The following TEAD1 variants were observed in gnomAD, a reference collection of about 807,000 sequenced individuals.
The protein encoded by TEAD1 is transcriptional enhancer factor TEF-1.
Under a neutral mutation model 54.9 loss-of-function variants are expected in TEAD1, and 9 were observed. The ratio of observed to expected loss-of-function variants is 0.16; its 90% CI spans 0.10 to 0.29. TEAD1 has a LOEUF of 0.29. TEAD1 is among the 10% of genes least tolerant of loss of function. The pLI is 1.00. For synonymous variants in TEAD1, 200 were observed against 187.8 expected, an observed-to-expected ratio of 1.07 and a Z score of -0.53; for missense variants, 387 against 535.9, an observed-to-expected ratio of 0.72 and a Z score of 2.74.
chr11:12,747,799 A>G (rs1361206247), intron 2 of TEAD1, among the ~76,000 whole-genome samples: 2 of 152,228 alleles, frequency 1.3e-5, no homozygotes, highest in Non-Finnish European at 2.9e-5. Context: ...TCTTTACATC[A>G]GGTGGCTAAT....
At chr11:12,694,828 T>C (rs1943545400) in intron 2 of TEAD1, among the ~76,000 whole-genome samples, 1 of 152,180 alleles carries the variant, frequency 6.6e-6, no homozygotes, top group Admixed American at 6.5e-5. Context: ...TGTAGGTTTA[T>C]ATGGAGTCAT....
At chr11:12,704,960 CTG>C (rs1943783665) in intron 2 of TEAD1, among the ~76,000 whole-genome samples, 1 of 152,204 alleles carries the variant, frequency 6.6e-6, no homozygotes, top group Non-Finnish European at 1.5e-5. Flanking sequence ...ATGCCCAACT[CTG>C]TGCTTTGCAA....
chr11:12,816,873 A>G (rs114239862), intron 3 of TEAD1, among the ~76,000 whole-genome samples: 292 of 152,326 alleles, frequency 1.9e-3, no homozygotes, highest in African/African-American at 6.6e-3. Context: ...TAGAGAACCT[A>G]CAACTGCTGC....
chr11:12,691,399 T>C (rs77479997), intron 2 of TEAD1, among the ~76,000 whole-genome samples: 5,020 of 152,242 alleles, frequency 0.033, 259 homozygotes, highest in African/African-American at 0.11. Context: ...ATGGAGTTTC[T>C]AGGCTATGAT....
intron 3 of TEAD1, among the ~76,000 whole-genome samples, chr11:12,788,652 G>T (rs1399124869): frequency 6.6e-6 from 1 of 152,170 alleles, no homozygotes; most frequent in Non-Finnish European, 1.5e-5. Context: ...GTAAGACGTG[G>T]TCCATATTTA....
chr11:12,831,719 C>T (rs1486942624), intron 3 of TEAD1, among the ~76,000 whole-genome samples: 1 of 147,706 alleles, frequency 6.8e-6, no homozygotes, highest in Non-Finnish European at 1.5e-5. Context: ...GCAGAGGTTG[C>T]AACAAGCCGA....
intron 9 of TEAD1, among the ~76,000 whole-genome samples, chr11:12,896,866 C>T (rs1371054428): frequency 6.6e-6 from 1 of 152,172 alleles, no homozygotes; most frequent in African/African-American, 2.4e-5. Flanking sequence ...AGCACAGTGC[C>T]TGGCATGTAT....
chr11:12,877,976 G>T lies in TEAD1; in HGVS notation c.331-1732G>T, dbSNP rs575462950. On this transcript the variant is annotated intron_variant, in intron 5 of 12. Coordinates refer to ENST00000527636, the MANE Select transcript of TEAD1 (RefSeq NM_021961.6). ...CCACACCTGGCTAATTTTTTTTTTTGTGTGTGTGTGTGTGGAGACAGGGTC... is the reference window on the plus strand; with the variant it reads ...CCACACCTGGCTAATTTTTTTTTTTTTGTGTGTGTGTGTGGAGACAGGGTC... Among the ~76,000 whole-genome samples the T allele has an allele frequency of 2.0e-3, 304 of 150,782 alleles. 1 individual carries two copies. The highest frequency in any genetic ancestry group is 7.2e-3 in the African/African-American group (291 of 40,694).
intron 3 of TEAD1, among the ~76,000 whole-genome samples, chr11:12,825,690 T>C (rs1466916401): frequency 6.6e-6 from 1 of 151,988 alleles, no homozygotes; most frequent in Non-Finnish European, 1.5e-5. Context: ...TGACCTAGAA[T>C]AAACAAAACA....
chr11:12,713,949 C>T (rs1015208875), intron 2 of TEAD1, among the ~76,000 whole-genome samples: 8 of 152,244 alleles, frequency 5.3e-5, no homozygotes, highest in African/African-American at 1.9e-4. Flanking sequence ...AGACTTTTCC[C>T]TCATGCCTCA....
intron 3 of TEAD1, among the ~76,000 whole-genome samples, chr11:12,845,906 C>T (rs1392850183): frequency 6.6e-6 from 1 of 152,216 alleles, no homozygotes; most frequent in Non-Finnish European, 1.5e-5. Context: ...GGAAAGAGGC[C>T]GGCTTGCCAG....
chr11:12,708,363 G>C lies in TEAD1; in HGVS notation c.-55+32802G>C, dbSNP rs563039730. Among the ~76,000 whole-genome samples the C allele has an allele frequency of 2.0e-4, 31 of 152,110 alleles. No homozygotes were observed. The South Asian group carries it at 2.7e-3, about 13-fold the overall frequency. ...AAGAATGTAACAATGCCTGTCACTC[G>C]TGAAGAGACACAGTCGGTGAGGTGA... On this transcript the variant is annotated intron_variant, in intron 2 of 12. Coordinates refer to ENST00000527636, the MANE Select transcript of TEAD1 (RefSeq NM_021961.6).
At chr11:12,761,107 G>A (rs1034562068) in intron 2 of TEAD1, among the ~76,000 whole-genome samples, 4 of 152,156 alleles carry the variant, frequency 2.6e-5, no homozygotes, top group South Asian at 2.1e-4. Flanking sequence ...GAATAAAAAC[G>A]TGAGCATTTA....
chr11:12,934,517 T>C (rs1232347693), intron 12 of TEAD1, among the ~76,000 whole-genome samples: 2 of 151,218 alleles, frequency 1.3e-5, no homozygotes, highest in East Asian at 1.9e-4. Context: ...GTTGTGCACA[T>C]GTACCCTAAA....
intron 1 of TEAD1, among the ~76,000 whole-genome samples, chr11:12,675,099 CCCGG>C (rs1305686761): frequency 6.8e-6 from 1 of 146,644 alleles, no homozygotes; most frequent in Non-Finnish European, 1.5e-5. Flanking sequence ...ACAGGCGGCC[CCCGG>C]CCGGCCGCGC....
intron 10 of TEAD1, among the ~76,000 whole-genome samples, chr11:12,917,662 A>G (rs1240187768): frequency 2.0e-5 from 3 of 152,202 alleles, no homozygotes; most frequent in Non-Finnish European, 4.4e-5. Flanking sequence ...ATTTAGCTTT[A>G]AGGCAGTGCA....
At chr11:12,836,413 C>T (rs931082844) in intron 3 of TEAD1, among the ~76,000 whole-genome samples, 2 of 116,972 alleles carry the variant, frequency 1.7e-5, no homozygotes, top group Non-Finnish European at 3.7e-5. Context: ...GAGCGAGACT[C>T]CGTCTCAAAA....
rs1949189346 is a variant in TEAD1, at chr11:12,944,460, G to A, written c.*7238G>A. On this transcript the variant is annotated 3_prime_UTR_variant, in exon 13 of 13. Transcript: ENST00000527636. ...GAAAATTATAGGATTTGTGTGCAGA[G>A]AATTTTTTTATAAAGTGCTTTGTAA... is the stretch of plus-strand genomic sequence containing the variant. 2 of 147,680 alleles carry A rather than the reference G, an allele frequency of 1.4e-5. No individual in the cohort carries two copies. The highest frequency in any genetic ancestry group is 4.3e-4 in the South Asian group (2 of 4,650). 9.1% of individuals were successfully genotyped at this position (147,680 alleles called of 1,614,324 possible). A position where few individuals can be genotyped will look rare whatever the true frequency, so the allele number is the denominator to read the frequency against.
chr11:12,935,415 T>C (rs909140174), intron 12 of TEAD1, among the ~76,000 whole-genome samples: 1 of 152,220 alleles, frequency 6.6e-6, no homozygotes, highest in Non-Finnish European at 1.5e-5. Flanking sequence ...TTGGCTATTC[T>C]GATGTGAATT....
Sources: gnomAD v4.1 joint callset for allele counts (sites outside exome capture counted in the v4.1 genomes callset) on GRCh38, gnomAD v4.1.1 for gene constraint, MANE v1.5 for transcripts, NCBI Gene and HGNC (gene_info 2026-07-23, HGNC 2026-07-21) for gene names.